Variants in GALNT9 observed in about 807,000 individuals in gnomAD.
GALNT9 encodes the protein GalNAc transferase 9.
In GALNT9, 47 loss-of-function variants were observed where a neutral mutation model predicts 63.1. The ratio of observed to expected loss-of-function variants is 0.75; its 90% CI spans 0.59 to 0.95. The LOEUF is 0.95. GALNT9 is among the 40% of genes least tolerant of loss of function. GALNT9 has a pLI of 0.00. For synonymous variants in GALNT9, 396 were observed against 365.7 expected (o/e 1.08, Z -0.94); for missense variants, 829 against 874.8 (o/e 0.95, Z 0.66).
At position 132,196,500 on chromosome 12, in the gene GALNT9, C is replaced by CA; in HGVS notation, c.*606dup. On this transcript the variant is annotated 3_prime_UTR_variant, in exon 11 of 11. Transcript: ENST00000328957. ...CCAGCTCGGCTCCCAGGAAGACACA[C>CA]ACAGTGCTGCTGCCTAATCCTCTCT... The CA allele has an allele frequency of 1.0e-6, 1 of 985,570 alleles. No individual in the cohort carries two copies. The highest frequency in any genetic ancestry group is 1.2e-6 in the Non-Finnish European group (1 of 830,024). 61.1% of individuals were successfully genotyped at this position (985,570 alleles called of 1,614,324 possible).
chr12:132,276,752 T>C (rs1880109135), intron 2 of GALNT9, among the ~76,000 whole-genome samples: 1 of 152,252 alleles, frequency 6.6e-6, no homozygotes, highest in African/African-American at 2.4e-5. Flanking sequence ...GACTATGTTA[T>C]GTGCTTTGTG....
chr12:132,317,528 G>A (rs1024483421), intron 1 of GALNT9, among the ~76,000 whole-genome samples: 3 of 152,238 alleles, frequency 2.0e-5, no homozygotes, highest in Non-Finnish European at 4.4e-5. Flanking sequence ...GATCACCTGC[G>A]AACAGCACAA....
chr12:132,303,163 C>A (rs1372861452), intron 1 of GALNT9, among the ~76,000 whole-genome samples: 1 of 152,032 alleles, frequency 6.6e-6, no homozygotes, highest in East Asian at 1.9e-4. Context: ...GGCCTTCACC[C>A]GGTAGTCCCC....
At chr12:132,205,819 G>A (rs1168004988) in intron 6 of GALNT9, 1 of 152,174 alleles carries the variant, frequency 6.6e-6, no homozygotes, top group Admixed American at 6.5e-5. Flanking sequence ...GCAGCGGGAA[G>A]GGGCCCCGCT....
At chr12:132,285,072 T>C (rs904960824) in intron 2 of GALNT9, among the ~76,000 whole-genome samples, 17 of 152,220 alleles carry the variant, frequency 1.1e-4, no homozygotes, top group African/African-American at 2.9e-4. Context: ...AATGAGCTCC[T>C]GGCCCAAGAA....
chr12:132,240,721 T>C, intron 6 of GALNT9: 1 of 455,928 alleles, frequency 2.2e-6, no homozygotes. Flanking sequence ...CTGGAACCCT[T>C]CTGTTTCCTG....
chr12:132,253,089 T>G (rs1285360210), intron 5 of GALNT9, among the ~76,000 whole-genome samples: 1 of 152,174 alleles, frequency 6.6e-6, no homozygotes, highest in Admixed American at 6.5e-5. Context: ...TGTCAGCGTT[T>G]TCTTCTATGC....
At chr12:132,212,194 G>A (rs191542742) in intron 6 of GALNT9, among the ~76,000 whole-genome samples, 3 of 143,844 alleles carry the variant, frequency 2.1e-5, no homozygotes, top group African/African-American at 8.0e-5. Context: ...GCAGCCTTCA[G>A]ACCTCGACAC....
chr12:132,243,672 C>G (rs1398083203), intron 6 of GALNT9, among the ~76,000 whole-genome samples: 3 of 152,200 alleles, frequency 2.0e-5, no homozygotes, highest in Non-Finnish European at 4.4e-5. Flanking sequence ...GCTTTAACCC[C>G]AACTGTGAGC....
At chr12:132,302,413 G>A (rs781909984) in intron 1 of GALNT9, among the ~76,000 whole-genome samples, 12 of 152,150 alleles carry the variant, frequency 7.9e-5, no homozygotes, top group Non-Finnish European at 1.2e-4. Flanking sequence ...TTATCACTAC[G>A]TCTTGAGTAT....
chr12:132,219,978 C>CTCGCCTGGGTAAGGGGAAGGGG (rs1555235447), intron 6 of GALNT9, among the ~76,000 whole-genome samples: 2 of 152,164 alleles, frequency 1.3e-5, no homozygotes, highest in Admixed American at 6.5e-5. Context: ...CAGGGCGGCA[C>CTCGCCTGGGTAAGGGGAAGGGG]CCACCACTGA....
At chr12:132,257,569 G>A (rs1453796745) in intron 5 of GALNT9, 120 bp downstream of exon 5, 12 of 338,112 alleles carry the variant, frequency 3.5e-5, no homozygotes, top group Middle Eastern at 1.6e-3. Context: ...TCGTCCCCAC[G>A]CCCTCGTCCC....
At position 132,316,319 on chromosome 12, in the gene GALNT9, C is replaced by G. The variant is rs1555245685; in HGVS notation, c.238+12647G>C. Among the ~76,000 whole-genome samples, 1 of 152,144 alleles carries G rather than the reference C, an allele frequency of 6.6e-6. No individual in the cohort carries two copies. Among genetic ancestry groups the G allele is most frequent in the East Asian group, 1.9e-4 (1 of 5,188 alleles). ...TCTTCCCCAGCCCGACCCCACGTCCCCATTTCACGATGCATTTTTATGCCC... is the reference window on the plus strand; with the variant it reads ...TCTTCCCCAGCCCGACCCCACGTCCGCATTTCACGATGCATTTTTATGCCC... On this transcript the variant is annotated intron_variant, in intron 1 of 10. Coordinates refer to ENST00000328957, the MANE Select transcript of GALNT9 (RefSeq NM_001122636.2). The surrounding 1 kb of genome is among the most constrained non-coding windows in gnomAD (Gnocchi z 4.3).
chr12:132,216,783 A>G (rs1379362584), intron 6 of GALNT9, among the ~76,000 whole-genome samples: 1 of 152,206 alleles, frequency 6.6e-6, no homozygotes, highest in African/African-American at 2.4e-5. Context: ...TTCACTTGGC[A>G]CCGTTCTGAG....
intron 6 of GALNT9, among the ~76,000 whole-genome samples, chr12:132,227,677 A>G (rs1044040938): frequency 1.3e-5 from 2 of 152,152 alleles, no homozygotes; most frequent in African/African-American, 4.8e-5. Context: ...AGGCACTGAG[A>G]GCCCCACTGC....
At chr12:132,302,663 C>T (rs1861560869) in intron 1 of GALNT9, among the ~76,000 whole-genome samples, 1 of 152,224 alleles carries the variant, frequency 6.6e-6, no homozygotes, top group Non-Finnish European at 1.5e-5. Flanking sequence ...GGTGCCAGCC[C>T]AGGGCAGCCG....
At chr12:132,203,790 T>G in intron 6 of GALNT9, 100 bp from the exon 7 acceptor site, 1 of 1,313,588 alleles carries the variant, frequency 7.6e-7, no homozygotes, top group Non-Finnish European at 1.0e-6. Flanking sequence ...CGGCCCTCTG[T>G]TCCTGGGGCA....
intron 6 of GALNT9, among the ~76,000 whole-genome samples, chr12:132,224,545 CAA>C: frequency 7.6e-6 from 1 of 131,280 alleles, no homozygotes; most frequent in African/African-American, 3.0e-5. Flanking sequence ...ACACCCCACA[CAA>C]CCCACACCCC....
intron 1 of GALNT9, among the ~76,000 whole-genome samples, chr12:132,291,587 C>T (rs117998268): frequency 0.033 from 4,891 of 150,344 alleles, 92 homozygotes; most frequent in East Asian, 0.12. Context: ...ACGTCCACAC[C>T]GCCCACATCC....
Sources: allele counts gnomAD v4.1 joint callset (sites outside exome capture counted in the v4.1 genomes callset), GRCh38; gene constraint gnomAD v4.1.1; non-coding constraint Gnocchi (gnomAD v3.1); transcripts MANE v1.5; gene names NCBI Gene and HGNC (gene_info 2026-07-23, HGNC 2026-07-21).